Variants in BMP5 observed in about 807,000 individuals in gnomAD.
BMP5 encodes bone morphogenetic protein 5.
BMP5 carries 23 observed loss-of-function variants against 46.6 expected under a neutral mutation model. The observed-to-expected ratio is 0.49, with a 90% confidence interval of 0.35 to 0.70. The LOEUF is 0.70. Among genes scored for constraint, BMP5 ranks in the 30% least tolerant of loss-of-function variants. The pLI is 0.00. For synonymous variants in BMP5, 204 were observed against 191.9 expected, an observed-to-expected ratio of 1.06 and a Z score of -0.52; for missense variants, 545 against 565.6, an observed-to-expected ratio of 0.96 and a Z score of 0.37.
Position 55,792,017 on chromosome 6 carries a change from CT to C in BMP5, c.832+2261del, listed in dbSNP as rs201245838. Among the ~76,000 whole-genome samples the C allele has an allele frequency of 1.7e-3, 262 of 152,270 alleles. 8 individuals carry two copies. In the East Asian group the frequency reaches 0.045, roughly 26 times the overall value. On this transcript the variant is annotated intron_variant, in intron 3 of 6. Transcript: ENST00000370830. ...TCTTGGAAGATTATTTAAATTTGTG[CT>C]TTACTCAGTCTACATTTATAATGCT...
At chr6:55,852,252 T>C (rs1366033828) in intron 1 of BMP5, among the ~76,000 whole-genome samples, 1 of 152,074 alleles carries the variant, frequency 6.6e-6, no homozygotes, top group Non-Finnish European at 1.5e-5. Flanking sequence ...CACTAGTTCT[T>C]AGCTGATTTT....
chr6:55,760,601 T>C, intron 4 of BMP5, 68 bp from the exon 5 acceptor site: 1 of 1,381,840 alleles, frequency 7.2e-7, no homozygotes, highest in Non-Finnish European at 1.0e-6. Flanking sequence ...TTTTGTGAGA[T>C]CACTGGTAAG....
At chr6:55,802,581 A>C (rs1775875258) in intron 2 of BMP5, among the ~76,000 whole-genome samples, 1 of 152,148 alleles carries the variant, frequency 6.6e-6, no homozygotes, top group Admixed American at 6.5e-5. Context: ...TGCTTGTCAA[A>C]ATAAACAGAA....
At chr6:55,760,389 G>T in intron 5 of BMP5, 68 bp downstream of exon 5, 2 of 1,422,918 alleles carry the variant, frequency 1.4e-6, no homozygotes, top group South Asian at 1.2e-5. Context: ...TACTGCCAAA[G>T]ACTATGACTT....
rs560332496 is a variant in BMP5 at position 55,860,344 on chromosome 6, TAA to T, written c.490+14030_490+14031del. Among the ~76,000 whole-genome samples, 338 of 152,276 alleles carry T rather than the reference TAA, an allele frequency of 2.2e-3. 2 individuals carry two copies. Among genetic ancestry groups the T allele is most frequent in the African/African-American group, 7.4e-3 (309 of 41,560 alleles). The stretch of plus-strand genomic sequence containing the variant: ...GGAAACCCTGACAAAGAACTCTGAT[TAA>T]AAAGAGTAAATGATTGAAAGTGGCC... On this transcript the variant is annotated intron_variant, in intron 1 of 6. Transcript: ENST00000370830.
chr6:55,783,178 G>T (rs575764360), intron 3 of BMP5, among the ~76,000 whole-genome samples: 1 of 152,040 alleles, frequency 6.6e-6, no homozygotes, highest in Non-Finnish European at 1.5e-5. Flanking sequence ...AAGAAGGCAG[G>T]TGGCTTCCCC....
intron 6 of BMP5, among the ~76,000 whole-genome samples, chr6:55,757,996 G>C (rs1774655468): frequency 6.6e-6 from 1 of 151,746 alleles, no homozygotes; most frequent in South Asian, 2.1e-4. Flanking sequence ...TAATTGTGGG[G>C]GAAAATAGCA....
At chr6:55,830,827 T>C (rs903112261) in intron 1 of BMP5, among the ~76,000 whole-genome samples, 1 of 152,122 alleles carries the variant, frequency 6.6e-6, no homozygotes, top group Non-Finnish European at 1.5e-5. Flanking sequence ...CCAGAAATGA[T>C]TGTGTGAAGC....
intron 2 of BMP5, among the ~76,000 whole-genome samples, chr6:55,795,051 T>C (rs927353935): frequency 6.6e-6 from 1 of 152,152 alleles, no homozygotes; most frequent in Admixed American, 6.5e-5. Flanking sequence ...CTTGGGACAG[T>C]AATGGCTGTG....
At chr6:55,820,693 C>A (rs1292808528) in intron 1 of BMP5, among the ~76,000 whole-genome samples, 1 of 152,026 alleles carries the variant, frequency 6.6e-6, no homozygotes, top group Non-Finnish European at 1.5e-5. Flanking sequence ...TCTGGGATTA[C>A]TTGCATGAGC....
chr6:55,871,315 G>T (rs1777783329), intron 1 of BMP5, among the ~76,000 whole-genome samples: 2 of 151,760 alleles, frequency 1.3e-5, no homozygotes, highest in South Asian at 4.1e-4. Flanking sequence ...AACAGTTTTA[G>T]GGAAAAAGCA....
At chr6:55,787,765 G>A (rs895910582) in intron 3 of BMP5, among the ~76,000 whole-genome samples, 2 of 151,560 alleles carry the variant, frequency 1.3e-5, no homozygotes, top group Non-Finnish European at 3.0e-5. Flanking sequence ...TAATTGTCCT[G>A]ATAACAAAAG....
intron 1 of BMP5, among the ~76,000 whole-genome samples, chr6:55,834,317 T>C (rs1188944915): frequency 6.6e-6 from 1 of 152,204 alleles, no homozygotes; most frequent in Admixed American, 6.5e-5. Flanking sequence ...CTGCTTTTCA[T>C]TACCCCTAGT....
chr6:55,839,631 T>C (rs1776903107), intron 1 of BMP5, among the ~76,000 whole-genome samples: 1 of 152,220 alleles, frequency 6.6e-6, no homozygotes, highest in Non-Finnish European at 1.5e-5. Flanking sequence ...CAAAGGTGTC[T>C]ATTGTCTCTT....
chr6:55,758,686 G>A (rs1251979758), intron 6 of BMP5, among the ~76,000 whole-genome samples: 1 of 151,798 alleles, frequency 6.6e-6, no homozygotes, highest in Non-Finnish European at 1.5e-5. Flanking sequence ...CTAATGAATT[G>A]CTAGGTTAGA....
At chr6:55,770,228 G>A (rs1391677343) in intron 4 of BMP5, among the ~76,000 whole-genome samples, 1 of 151,928 alleles carries the variant, frequency 6.6e-6, no homozygotes, top group Non-Finnish European at 1.5e-5. Context: ...GTGGTTCAGT[G>A]TAGCTACCTT....
At chr6:55,783,544 C>A (rs1775376492) in intron 3 of BMP5, among the ~76,000 whole-genome samples, 1 of 151,918 alleles carries the variant, frequency 6.6e-6, no homozygotes, top group Non-Finnish European at 1.5e-5. Flanking sequence ...CAAATACCAG[C>A]ACTACTGCTA....
chr6:55,794,614 A>C (rs960001920), intron 2 of BMP5, among the ~76,000 whole-genome samples, 187 bp from the exon 3 acceptor site: 1 of 152,204 alleles, frequency 6.6e-6, no homozygotes, highest in African/African-American at 2.4e-5. Flanking sequence ...CTCCCAACCA[A>C]ACCTGGTACA....
Position 55,870,238 on chromosome 6 carries a change from A to G in BMP5, c.490+4138T>C, listed in dbSNP as rs1281472981. ...AAAAGCATTTAATTAAACTATGATT[A>G]TAACTATCTCTGGCAACCCAGAGTT... On this transcript the variant is annotated intron_variant, in intron 1 of 6. Transcript: ENST00000370830. Among the ~76,000 whole-genome samples, 3 of 152,022 alleles carry G rather than the reference A, an allele frequency of 2.0e-5. No homozygotes were observed. In the South Asian group the frequency reaches 6.2e-4, roughly 32 times the overall value.
Sources: allele counts gnomAD v4.1 joint callset (sites outside exome capture counted in the v4.1 genomes callset), GRCh38; gene constraint gnomAD v4.1.1; transcripts MANE v1.5; gene names NCBI Gene and HGNC (gene_info 2026-07-23, HGNC 2026-07-21).